Variants in LRP1B observed in about 807,000 individuals in gnomAD.
The protein encoded by LRP1B is LDL receptor related protein 1B.
LRP1B carries 217 observed loss-of-function variants against 556.6 expected under a neutral mutation model. That is an observed-to-expected ratio of 0.39 (90% CI 0.35 to 0.44). The LOEUF is 0.44. Among genes scored for constraint, LRP1B ranks in the 20% least tolerant of loss-of-function variants. The probability of loss-of-function intolerance (pLI) is 1.00; values close to 1 mark genes in which losing one functional copy is unlikely to be tolerated. For missense variants in LRP1B, 5,053 were observed against 5,620.8 expected (o/e 0.90, Z 3.23); for synonymous variants, 2,047 against 1,865.8 (o/e 1.10, Z -2.50).
chr2:140,891,411 A>G (rs2105202273), intron 23 of LRP1B, among the ~76,000 whole-genome samples: 1 of 152,278 alleles, frequency 6.6e-6, no homozygotes, highest in East Asian at 1.9e-4. Context: ...ATTCTATGTG[A>G]AATCCCCTGA....
chr2:140,900,851 T>C (rs1376887450), intron 23 of LRP1B, among the ~76,000 whole-genome samples: 2 of 151,966 alleles, frequency 1.3e-5, no homozygotes, highest in African/African-American at 4.8e-5. Flanking sequence ...TGGAAGAAGA[T>C]TTAATTGATG....
intron 23 of LRP1B, among the ~76,000 whole-genome samples, chr2:140,891,755 C>A (rs990774321): frequency 6.6e-6 from 1 of 152,024 alleles, no homozygotes; most frequent in Non-Finnish European, 1.5e-5. Context: ...GAATGAAGGC[C>A]AGGGTGAACT....
chr2:140,256,737 G>C (rs1681712689), intron 86 of LRP1B, among the ~76,000 whole-genome samples: 1 of 151,258 alleles, frequency 6.6e-6, no homozygotes. Flanking sequence ...AAAGTGCTGG[G>C]ATTACAGGTG....
chr2:140,855,196 A>G (rs1427880399), intron 27 of LRP1B, among the ~76,000 whole-genome samples: 2 of 151,918 alleles, frequency 1.3e-5, no homozygotes, highest in Non-Finnish European at 2.9e-5. Context: ...TCTATACACT[A>G]ACCTGGTACT....
At chr2:141,362,564 T>G (rs1022203229) in intron 3 of LRP1B, among the ~76,000 whole-genome samples, 1 of 152,254 alleles carries the variant, frequency 6.6e-6, no homozygotes, top group Non-Finnish European at 1.5e-5. Flanking sequence ...GAATTTGTAC[T>G]ACTACATTTT....
intron 31 of LRP1B, among the ~76,000 whole-genome samples, chr2:140,834,919 T>A (rs1471270075): frequency 1.3e-5 from 2 of 152,176 alleles, no homozygotes; most frequent in Non-Finnish European, 2.9e-5. Flanking sequence ...TCCAGTTCAC[T>A]TTTTTTCTAT....
intron 6 of LRP1B, among the ~76,000 whole-genome samples, chr2:141,217,252 A>G (rs904907705): frequency 6.6e-6 from 1 of 152,158 alleles, no homozygotes; most frequent in Admixed American, 6.5e-5. Flanking sequence ...CTAAAGATGC[A>G]TGGCAACTCC....
intron 43 of LRP1B, among the ~76,000 whole-genome samples, chr2:140,570,307 AC>A (rs1177688694): frequency 2.0e-5 from 3 of 151,638 alleles, no homozygotes; most frequent in Non-Finnish European, 3.0e-5. Context: ...GGAAAAAAAA[AC>A]AAAAGACCCC....
intron 7 of LRP1B, among the ~76,000 whole-genome samples, chr2:141,129,475 G>A (rs1701295904): frequency 6.6e-6 from 1 of 151,630 alleles, no homozygotes; most frequent in Non-Finnish European, 1.5e-5. Context: ...ATACACAAAA[G>A]TGCAGAGTAG....
At chr2:141,078,881 A>G (rs1414174406) in intron 7 of LRP1B, among the ~76,000 whole-genome samples, 3 of 152,196 alleles carry the variant, frequency 2.0e-5, no homozygotes, top group Non-Finnish European at 2.9e-5. Flanking sequence ...TGCCCTCTAT[A>G]TTACCATGAT....
At chr2:140,285,301 G>T (rs1316957056) in intron 84 of LRP1B, among the ~76,000 whole-genome samples, 2 of 132,414 alleles carry the variant, frequency 1.5e-5, no homozygotes, top group Non-Finnish European at 3.3e-5. Flanking sequence ...ATATAGATAG[G>T]TGTGTATATA....
At chr2:141,330,002 TA>T (rs36022608) in intron 3 of LRP1B, among the ~76,000 whole-genome samples, 101,726 of 150,170 alleles carry the variant, frequency 0.68, 34,707 homozygotes, top group African/African-American at 0.73. Context: ...CTATTATAGA[TA>T]AAAAAAAAAA....
intron 18 of LRP1B, among the ~76,000 whole-genome samples, chr2:140,961,354 T>C (rs1696027705): frequency 6.6e-6 from 1 of 152,008 alleles, no homozygotes; most frequent in Admixed American, 6.6e-5. Context: ...AAGCAATCAT[T>C]TCCTAGGTCA....
chr2:140,912,286 CAAGAT>C (rs1030428212), intron 21 of LRP1B, among the ~76,000 whole-genome samples: 1 of 151,588 alleles, frequency 6.6e-6, no homozygotes, highest in African/African-American at 2.4e-5. Context: ...TGATTCATAT[CAAGAT>C]AAATCCTCAC....
In LRP1B at chr2:141,674,164, T is replaced by C. The variant is rs1412413436; in HGVS notation, c.205+136115A>G. 2.6e-5 allele frequency among the ~76,000 whole-genome samples: 4 copies of C among 152,268 alleles called. No homozygotes were observed. The East Asian group carries it at 7.7e-4, about 29-fold the overall frequency. ...CATTAACATGGGACATGTTATATGG[T>C]TCTCTAAAATAAAATATACAATGTT... On this transcript the variant is annotated intron_variant, in intron 2 of 90. Transcript: ENST00000389484.
intron 83 of LRP1B, among the ~76,000 whole-genome samples, chr2:140,312,404 T>TAA (rs1473767621): frequency 6.6e-6 from 1 of 151,916 alleles, no homozygotes; most frequent in Admixed American, 6.6e-5. Flanking sequence ...ATATAAACAT[T>TAA]AAAAGACTAA....
rs887376798 is a variant in LRP1B at position 140,880,142 on chromosome 2, A to G, written c.4169+3675T>C. 9.9e-5 allele frequency among the ~76,000 whole-genome samples: 15 copies of G among 152,234 alleles called. 1 individual carries two copies. The highest frequency in any genetic ancestry group is 5.9e-4 in the Admixed American group (9 of 15,264). ...GCAGTTAAAAATTTAGTTTAACTAA[A>G]TTCAGTTTTAGTTAAAAGCTGAATT... On this transcript the variant is annotated intron_variant, in intron 25 of 90. Transcript: ENST00000389484.
chr2:141,158,277 T>C (rs888201128), intron 7 of LRP1B, among the ~76,000 whole-genome samples: 2 of 152,198 alleles, frequency 1.3e-5, no homozygotes, highest in Admixed American at 6.5e-5. Context: ...GGAATTTCAG[T>C]GCAGCACTGT....
At position 140,562,374 on chromosome 2, in the gene LRP1B, T is replaced by C. The variant is rs560462985; in HGVS notation, c.7195-20403A>G. On this transcript the variant is annotated intron_variant, in intron 43 of 90. Coordinates refer to ENST00000389484, the MANE Select transcript of LRP1B (RefSeq NM_018557.3). Reference sequence around the variant, plus strand: ...CTAACATGTTTAGTGTAACTAACATTCACTAACATGTTTATAGATACAAAG... The same window carrying C: ...CTAACATGTTTAGTGTAACTAACATCCACTAACATGTTTATAGATACAAAG... 5.9e-5 allele frequency among the ~76,000 whole-genome samples: 9 copies of C among 152,318 alleles called. No homozygotes were observed. The South Asian group carries it at 1.9e-3, about 32-fold the overall frequency.
Sources: gnomAD v4.1 joint callset for allele counts (sites outside exome capture counted in the v4.1 genomes callset) on GRCh38, gnomAD v4.1.1 for gene constraint, MANE v1.5 for transcripts, NCBI Gene and HGNC (gene_info 2026-07-23, HGNC 2026-07-21) for gene names.